NPDC1: variants seen among roughly 807,000 people sequenced by gnomAD.
NPDC1 encodes the protein neural proliferation differentiation and control protein 1.
NPDC1 carries 18 observed loss-of-function variants against 32.5 expected under a neutral mutation model. The ratio of observed to expected loss-of-function variants is 0.55; its 90% CI spans 0.38 to 0.82. NPDC1 has a LOEUF of 0.82. NPDC1 is among the 40% of genes least tolerant of loss of function. NPDC1 has a pLI of 0.00. For synonymous variants in NPDC1, 210 were observed against 184.7 expected (o/e 1.14, Z -1.11); for missense variants, 468 against 406.6 (o/e 1.15, Z -1.30).
Position 137,039,641 on chromosome 9 carries a change from A to G in NPDC1, c.*131T>C. ...GGGGGTCTCCCTGGCAAGGGGTCCC[A>G]GGGCCTGGAGCCCGAGGCCCAGCCA... On this transcript the variant is annotated 3_prime_UTR_variant, in exon 9 of 9. Coordinates refer to ENST00000371601, the MANE Select transcript of NPDC1 (RefSeq NM_015392.4). 1.7e-6 allele frequency: 1 copy of G among 595,564 alleles called. No individual in the cohort carries two copies. Among genetic ancestry groups the G allele is most frequent in the South Asian group, 2.0e-5 (1 of 49,602 alleles). 36.9% of individuals were successfully genotyped at this position (595,564 alleles called of 1,614,324 possible). A position where few individuals can be genotyped will look rare whatever the true frequency, so the allele number is the denominator to read the frequency against.
intron 1 of NPDC1, 103 bp from the exon 2 acceptor site, chr9:137,043,176 C>G (rs1226899285): frequency 7.6e-7 from 1 of 1,311,950 alleles, no homozygotes; most frequent in African/African-American, 1.5e-5. Context: ...ACCCCCCGAG[C>G]TGGCCGGGCC....
At chr9:137,045,240 G>A (rs1241112218) in intron 1 of NPDC1, among the ~76,000 whole-genome samples, 2 of 152,266 alleles carry the variant, frequency 1.3e-5, no homozygotes, top group Non-Finnish European at 2.9e-5. Context: ...CAGTCCCAAA[G>A]ACAGAATGCC....
Position 137,042,978 on chromosome 9 carries a change from A to G in NPDC1, c.208T>C (p.Phe70Leu). 1 of 1,612,240 alleles carries G rather than the reference A, an allele frequency of 6.2e-7. No individual in the cohort carries two copies. The highest frequency in any genetic ancestry group is 8.5e-7 in the Non-Finnish European group (1 of 1,179,494). ...CAGAGCCCTTGCTGGTCCTCCTGGA[A>G]GGGCTGAAGGCAGGGCCCACAGGCA... ...AHACGPCLQP[F>L]QEDQQGLCVP... Residue 70 changes from phenylalanine to leucine, a missense_variant, in exon 2 of 9, where the codon TTC becomes CTC. Phe to Leu is a conservative substitution (Grantham distance 22, BLOSUM62 0). Coordinates refer to ENST00000371601, the MANE Select transcript of NPDC1 (RefSeq NM_015392.4).
chr9:137,044,409 G>C (rs780806488), intron 1 of NPDC1, among the ~76,000 whole-genome samples: 15 of 152,166 alleles, frequency 9.9e-5, no homozygotes, highest in Non-Finnish European at 2.2e-4. Flanking sequence ...CCCCGCTCCT[G>C]TGCTGATACC....
intron 2 of NPDC1, among the ~76,000 whole-genome samples, 174 bp from the exon 3 acceptor site, chr9:137,041,361 C>T (rs944693239): frequency 1.3e-5 from 2 of 152,178 alleles, no homozygotes; most frequent in Non-Finnish European, 2.9e-5. Flanking sequence ...CTGTGAGGGG[C>T]AGTGCTTCCC....
intron 2 of NPDC1, 184 bp downstream of exon 2, chr9:137,042,743 A>G (rs1163803611): frequency 1.6e-6 from 1 of 638,738 alleles, no homozygotes; most frequent in African/African-American, 1.8e-5. Flanking sequence ...TTTTTAGTAG[A>G]GACGGGGTTT....
rs1452818389 is a variant in NPDC1 at position 137,046,069 on chromosome 9, A to C, written c.-80T>G. 7.2e-6 allele frequency: 8 copies of C among 1,114,450 alleles called. No individual in the cohort carries two copies. The highest frequency in any genetic ancestry group is 8.8e-6 in the Non-Finnish European group (8 of 911,746). The allele number at this position is 1,114,450 out of a possible 1,614,324, so 69.0% of individuals were successfully genotyped here. On this transcript the variant is annotated 5_prime_UTR_variant, in exon 1 of 9. Coordinates refer to ENST00000371601, the MANE Select transcript of NPDC1 (RefSeq NM_015392.4). ...GGGCTCCGGGCTCCGCGTCGGGAGC[A>C]GCGGAGGCAGCGGGGGAGGACGCAG...
At position 137,039,965 on chromosome 9, in the gene NPDC1, A is replaced by G; in HGVS notation, c.885+6T>C. On this transcript the variant is annotated splice_donor_region_variant and intron_variant, in intron 8 of 8. Coordinates refer to ENST00000371601, the MANE Select transcript of NPDC1 (RefSeq NM_015392.4). ...TTCGCCCCTCCCTGCACCCTGAGGC[A>G]CTCACCGGGGCCAGGCCCGGGCACT... The G allele has an allele frequency of 2.6e-6, 2 of 778,476 alleles. No individual in the cohort carries two copies. Among genetic ancestry groups the G allele is most frequent in the Non-Finnish European group, 4.8e-6 (2 of 417,850 alleles). 48.2% of individuals were successfully genotyped at this position (778,476 alleles called of 1,614,324 possible).
In NPDC1 at chr9:137,040,732, T is replaced by C; in HGVS notation, c.562A>G (p.Ile188Val). The C allele has an allele frequency of 6.3e-7, 1 of 1,589,700 alleles. No homozygotes were observed. The highest frequency in any genetic ancestry group is 8.5e-7 in the Non-Finnish European group (1 of 1,173,486). The change falls in exon 5 of 9, where the codon ATC becomes GTC. Residue 188 changes from isoleucine (I) to valine (V), a missense_variant. Physicochemically the swap from Ile to Val is conservative, Grantham distance 29. Coordinates refer to ENST00000371601, the MANE Select transcript of NPDC1 (RefSeq NM_015392.4). ...GCACCGGCCACACAGAACGCCAGGA[T>C]CAGCACTGCAGGAGGGGGCGTGTGA... ...GQGDGLALVL[I>V]LAFCVAGAAA...
intron 7 of NPDC1, 80 bp from the exon 8 acceptor site, chr9:137,040,147 A>G (rs578085215): frequency 4.2e-6 from 3 of 719,814 alleles, no homozygotes; most frequent in Non-Finnish European, 7.6e-6. Context: ...CACTCAGCCC[A>G]CCTCAGCCCT....
Position 137,040,408 on chromosome 9 carries a change from G to A in NPDC1, c.737C>T (p.Ala246Val), listed in dbSNP as rs907643236. The change falls in exon 7 of 9, where the codon GCG (alanine) becomes GTG (valine). Residue 246 changes from alanine (A) to valine (V), a missense_variant. By Grantham distance (64) the Ala-to-Val change is moderately conservative (BLOSUM62 0). Coordinates refer to ENST00000371601, the MANE Select transcript of NPDC1 (RefSeq NM_015392.4). ...SPGDQRLAQS[A>V]EMYHYQHQRQ... ...TTGGTGCTGGTAGTGGTACATCTCC[G>A]CGCTCTGTGCCAGCCGCTGGTCCCC... The A allele has an allele frequency of 1.5e-5, 24 of 1,549,190 alleles. No individual in the cohort carries two copies. Among genetic ancestry groups the A allele is most frequent in the South Asian group, 8.3e-5 (7 of 84,060 alleles).
Position 137,040,818 on chromosome 9 carries a change from G to A in NPDC1, c.552C>T (p.Ala184=). The change falls in exon 4 of 9, where the codon GCC becomes GCT. Residue 184 remains alanine, a synonymous_variant. Transcript: ENST00000371601. ...EPRGGQGDGL[A]LVLILAFCVA... is the part of the protein sequence containing the mutation. ...CCACCCCCGACCAAGACCTACCAAG[G>A]GCGAGGCCGTCGCCTTGCCCTCCCC... 1 of 1,593,306 alleles carries A rather than the reference G, an allele frequency of 6.3e-7. No individual in the cohort carries two copies. Among genetic ancestry groups the A allele is most frequent in the South Asian group, 1.1e-5 (1 of 89,016 alleles).
At position 137,040,577 on chromosome 9, in the gene NPDC1, C is replaced by T. The variant is rs1832031787; in HGVS notation, c.645G>A (p.Leu215=). 2 of 1,577,864 alleles carry T rather than the reference C, an allele frequency of 1.3e-6. No homozygotes were observed. Among genetic ancestry groups the T allele is most frequent in the Non-Finnish European group, 1.7e-6 (2 of 1,167,766 alleles). ...CAGTGGCGTAGTCGGCCTTCTGAGTCAGGCGGATCTCACGCTGCAGCCTGT... is the reference window on the plus strand; with the variant it reads ...CAGTGGCGTAGTCGGCCTTCTGAGTTAGGCGGATCTCACGCTGCAGCCTGT... ...CWCRLQREIR[L]TQKADYATAK... Residue 215 remains leucine, a synonymous_variant, in exon 6 of 9, where the codon CTG becomes CTA. Transcript: ENST00000371601.
intron 1 of NPDC1, among the ~76,000 whole-genome samples, chr9:137,045,072 G>A (rs1832110559): frequency 1.3e-5 from 2 of 152,216 alleles, no homozygotes; most frequent in Admixed American, 1.3e-4. Context: ...CAGTCGCAAA[G>A]TCTCCCAGTT....
chr9:137,040,410 G>T lies in NPDC1; in HGVS notation c.735C>A (p.Ser245Arg), dbSNP rs547143725. ...GGTGCTGGTAGTGGTACATCTCCGC[G>T]CTCTGTGCCAGCCGCTGGTCCCCAG... The part of the protein sequence containing the change: ...ISPGDQRLAQ[S>R]AEMYHYQHQR... Residue 245 changes from serine (S) to arginine (R), a missense_variant, in exon 7 of 9, where the codon AGC (serine) becomes AGA (arginine). Physicochemically the swap from Ser to Arg is moderately radical, Grantham distance 110. Coordinates refer to ENST00000371601, the MANE Select transcript of NPDC1 (RefSeq NM_015392.4). 2.6e-6 allele frequency: 4 copies of T among 1,549,870 alleles called. No individual in the cohort carries two copies. Among genetic ancestry groups the T allele is most frequent in the Admixed American group, 3.9e-5 (2 of 51,092 alleles).
At position 137,039,764 on chromosome 9, in the gene NPDC1, C is replaced by T. The variant is rs1345989586; in HGVS notation, c.*8G>A. 3.9e-6 allele frequency: 3 copies of T among 760,404 alleles called. No individual in the cohort carries two copies. The highest frequency in any genetic ancestry group is 2.5e-5 in the East Asian group (1 of 40,792). The allele number at this position is 760,404 out of a possible 1,614,324, so 47.1% of individuals were successfully genotyped here. A position where few individuals can be genotyped will look rare whatever the true frequency, so the allele number is the denominator to read the frequency against. On this transcript the variant is annotated 3_prime_UTR_variant, in exon 9 of 9. Transcript: ENST00000371601. ...CGGGGAGCAGGTGGGCGTCTGTCTG[C>T]CTCCAGGTCATGGCAGTGCAGGCGG...
Position 137,040,654 on chromosome 9 carries a change from C to A in NPDC1, c.623+17G>T. ...CGTGTGGCACCCTCCCTGCCCTGCC[C>A]GCGGCCACTGGCTCACCTGCACCAG... is the stretch of plus-strand genomic sequence containing the variant. On this transcript the variant is annotated intron_variant, in intron 5 of 8. Transcript: ENST00000371601. The A allele has an allele frequency of 6.4e-7, 1 of 1,568,054 alleles. No individual in the cohort carries two copies. Among genetic ancestry groups the A allele is most frequent in the East Asian group, 2.3e-5 (1 of 43,372 alleles).
intron 1 of NPDC1, 97 bp downstream of exon 1, chr9:137,045,781 G>T: frequency 1.3e-6 from 1 of 796,972 alleles, no homozygotes; most frequent in Non-Finnish European, 1.5e-6. Context: ...CTGCGGGCCT[G>T]GGCAGGACGA....
intron 3 of NPDC1, 24 bp from the exon 4 acceptor site, chr9:137,041,008 T>C: frequency 6.6e-7 from 1 of 1,525,864 alleles, no homozygotes; most frequent in Non-Finnish European, 8.8e-7. Flanking sequence ...CAGGTTAGAA[T>C]GAGAGCACTG....
Sources: gnomAD v4.1 joint callset for allele counts (sites outside exome capture counted in the v4.1 genomes callset) on GRCh38, gnomAD v4.1.1 for gene constraint, MANE v1.5 for transcripts, NCBI Gene and HGNC (gene_info 2026-07-23, HGNC 2026-07-21) for gene names.